Variants in MKNK1 observed in about 807,000 individuals in gnomAD.
MKNK1 encodes MAP kinase-interacting serine/threonine-protein kinase 1.
Under a neutral mutation model 49.3 loss-of-function variants are expected in MKNK1, and 30 were observed. The observed-to-expected ratio is 0.61, with a 90% CI of 0.46 to 0.83. The LOEUF (loss-of-function observed/expected upper bound fraction) is 0.83, where lower values mean the gene tolerates loss of function less well. MKNK1 is among the 40% of genes least tolerant of loss of function. The pLI, the probability that MKNK1 is intolerant of heterozygous loss-of-function variation, is 0.00. For missense variants in MKNK1, 423 were observed against 524.7 expected (o/e 0.81, Z 1.89); for synonymous variants, 176 against 201.7 (o/e 0.87, Z 1.08).
intron 10 of MKNK1, among the ~76,000 whole-genome samples, 169 bp downstream of exon 10, chr1:46,562,480 G>A (rs1259042557): frequency 6.6e-6 from 1 of 150,778 alleles, no homozygotes; most frequent in Non-Finnish European, 1.5e-5. Flanking sequence ...TGGGCGGAGT[G>A]TCTGATTATC....
At chr1:46,567,056 C>G (rs1377289113) in intron 8 of MKNK1, among the ~76,000 whole-genome samples, 1 of 152,154 alleles carries the variant, frequency 6.6e-6, no homozygotes, top group Non-Finnish European at 1.5e-5. Flanking sequence ...ATTCTCCTAC[C>G]TCAGCCTCCT....
chr1:46,583,027 C>A (rs995396036), intron 3 of MKNK1: 1 of 678,236 alleles, frequency 1.5e-6, no homozygotes, highest in African/African-American at 1.8e-5. Context: ...AGTGCATCAT[C>A]TGAGAGCTTT....
At chr1:46,581,482 C>G (rs1172378793) in intron 3 of MKNK1, among the ~76,000 whole-genome samples, 1 of 132,682 alleles carries the variant, frequency 7.5e-6, no homozygotes, top group Non-Finnish European at 1.5e-5. Flanking sequence ...TGCACTCCAG[C>G]CTGGTGACAG....
At chr1:46,565,865 G>A (rs1668965867) in intron 8 of MKNK1, among the ~76,000 whole-genome samples, 1 of 152,160 alleles carries the variant, frequency 6.6e-6, no homozygotes, top group African/African-American at 2.4e-5. Context: ...CCATGTCCTT[G>A]CCGGGAAGCC....
intron 9 of MKNK1, among the ~76,000 whole-genome samples, chr1:46,564,210 A>ACAGG (rs2148575197): frequency 6.6e-6 from 1 of 152,136 alleles, no homozygotes; most frequent in South Asian, 2.1e-4. Flanking sequence ...AGAGAAGCAA[A>ACAGG]CAGGCTAACT....
Position 46,558,746 on chromosome 1 carries a change from G to T in MKNK1, c.1068C>A (p.Asn356Lys). ...TCTCTTCGTGCTGAGATAGCTGGCG[G>T]TTAAGGGCGATGGCCTCAGCTGCGA... is the stretch of plus-strand genomic sequence containing the variant. ...TLFAAEAIALNRQLSQHEENE... is the reference protein window; with the variant it reads ...TLFAAEAIALKRQLSQHEENE... Residue 356 changes from asparagine (N) to lysine (K), a missense_variant, in exon 13 of 13, where the codon AAC becomes AAA. Asn to Lys is a moderately conservative substitution (Grantham distance 94). Transcript: ENST00000371945. The T allele has an allele frequency of 6.2e-7, 1 of 1,614,260 alleles. No individual in the cohort carries two copies. Among genetic ancestry groups the T allele is most frequent in the East Asian group, 2.2e-5 (1 of 44,892 alleles).
In MKNK1 at chr1:46,602,367, G is replaced by A. The variant is rs192590117; in HGVS notation, c.-171+1818C>T. On this transcript the variant is annotated intron_variant, in intron 1 of 12. Transcript: ENST00000371945. ...GTGGAGGTTGCAGTGAGCCGAGATT[G>A]TGCCACTGCACTCCAGCCTGGGTGA... Among the ~76,000 whole-genome samples, 10 of 152,282 alleles carry A rather than the reference G, an allele frequency of 6.6e-5. No individual in the cohort carries two copies. The East Asian group carries it at 1.7e-3, about 26-fold the overall frequency.
chr1:46,587,197 C>CT (rs1208108962), intron 2 of MKNK1, among the ~76,000 whole-genome samples: 3 of 152,318 alleles, frequency 2.0e-5, no homozygotes, highest in African/African-American at 7.2e-5. Context: ...GTGAGCACTT[C>CT]TTTTCAGTTT....
intron 9 of MKNK1, among the ~76,000 whole-genome samples, chr1:46,564,368 G>A (rs1451815530): frequency 2.0e-5 from 3 of 151,232 alleles, no homozygotes; most frequent in African/African-American, 4.9e-5. Flanking sequence ...AGGACTTACA[G>A]AACTACCCAA....
intron 6 of MKNK1, among the ~76,000 whole-genome samples, chr1:46,572,728 A>T (rs776573111): frequency 1.3e-5 from 2 of 152,112 alleles, no homozygotes; most frequent in Admixed American, 6.5e-5. Context: ...GAACAACTAT[A>T]AATAGGGCCA....
chr1:46,597,920 T>C (rs576655033), intron 1 of MKNK1, among the ~76,000 whole-genome samples: 14 of 152,316 alleles, frequency 9.2e-5, no homozygotes, highest in Non-Finnish European at 1.8e-4. Flanking sequence ...ATGACCAATG[T>C]GATCCAAGCA....
rs772444926 is a variant in MKNK1, at chr1:46,565,055, C to A, written c.595G>T (p.Glu199Ter). Residue 199 changes from glutamate to a stop codon, truncating the protein, a stop_gained, in exon 9 of 13, where the codon GAG becomes TAG. Transcript: ENST00000371945. LOFTEE classifies it high-confidence loss of function. ...AGCATACGTACTGGGGTGGTCAGCT[C>A]TGGTGTGGTTATGGGGGTACAGGAG... ...NNSCTPITTP[E>*]LTTPCGSAEY... 6.2e-7 allele frequency: 1 copy of A among 1,614,192 alleles called. No homozygotes were observed. Among genetic ancestry groups the A allele is most frequent in the Non-Finnish European group, 8.5e-7 (1 of 1,180,032 alleles).
chr1:46,575,782 C>G (rs1374757074), intron 5 of MKNK1: 2 of 152,106 alleles, frequency 1.3e-5, no homozygotes. Context: ...ATCTGTCCCT[C>G]ATAAAAAAAA....
intron 2 of MKNK1, among the ~76,000 whole-genome samples, chr1:46,586,841 T>C (rs866038107): frequency 2.0e-5 from 3 of 152,226 alleles, no homozygotes; most frequent in Non-Finnish European, 4.4e-5. Context: ...AGATGGAGTC[T>C]TGCTCTGTCA....
At chr1:46,578,062 G>A (rs1570195899) in intron 4 of MKNK1, among the ~76,000 whole-genome samples, 1 of 152,260 alleles carries the variant, frequency 6.6e-6, no homozygotes, top group Admixed American at 6.5e-5. Flanking sequence ...CTGGGGAACA[G>A]AAGTGATTCA....
chr1:46,579,213 C>T (rs568930759), intron 4 of MKNK1, among the ~76,000 whole-genome samples: 58 of 152,342 alleles, frequency 3.8e-4, no homozygotes, highest in African/African-American at 1.3e-3. Flanking sequence ...CCTTCTAACC[C>T]GCAGCTGGGA....
chr1:46,560,612 G>A (rs774765478), intron 11 of MKNK1, among the ~76,000 whole-genome samples: 3 of 152,192 alleles, frequency 2.0e-5, no homozygotes, highest in Non-Finnish European at 2.9e-5. Flanking sequence ...TCTCAGGCCC[G>A]GGATGGGGAG....
chr1:46,594,172 A>G lies in MKNK1; in HGVS notation c.-62T>C. 6.2e-7 allele frequency: 1 copy of G among 1,606,896 alleles called. No individual in the cohort carries two copies. The highest frequency in any genetic ancestry group is 8.5e-7 in the Non-Finnish European group (1 of 1,173,454). ...CTGTAAACTTGAAATCCCAAATGAA[A>G]TAAAGCTCCTGTCAGGAAGTTGGTG... On this transcript the variant is annotated 5_prime_UTR_variant, in exon 2 of 13. Coordinates refer to ENST00000371945, the MANE Select transcript of MKNK1 (RefSeq NM_001135553.4).
chr1:46,563,156 A>G (rs189235800), intron 9 of MKNK1: 49 of 305,948 alleles, frequency 1.6e-4, no homozygotes, highest in African/African-American at 1.0e-3. Context: ...CTATAAACAG[A>G]TATTTCATGT....
Sources: gnomAD v4.1 joint callset for allele counts (sites outside exome capture counted in the v4.1 genomes callset) on GRCh38, gnomAD v4.1.1 for gene constraint, MANE v1.5 for transcripts, NCBI Gene and HGNC (gene_info 2026-07-23, HGNC 2026-07-21) for gene names.